The following TENM3 variants were observed in gnomAD, a reference collection of about 807,000 sequenced individuals.
TENM3 encodes the protein teneurin-3.
TENM3 carries 63 observed loss-of-function variants against 255.1 expected under a neutral mutation model. The observed-to-expected ratio is 0.25, with a 90% CI of 0.20 to 0.30. The LOEUF is 0.30. TENM3 is among the 10% of genes least tolerant of loss of function. The pLI, the probability that TENM3 is intolerant of heterozygous loss-of-function variation, is 1.00. For missense variants in TENM3, 2,929 were observed against 3,461.1 expected, an observed-to-expected ratio of 0.85 and a Z score of 3.86; for synonymous variants, 1,306 against 1,322.3, an observed-to-expected ratio of 0.99 and a Z score of 0.27.
At chr4:181,532,366 C>T in the TENM3 span, among the ~76,000 whole-genome samples, 30 of 151,994 alleles carry the variant, frequency 2.0e-4, no homozygotes, top group East Asian at 3.9e-3. Flanking sequence ...TAGTTGGGTG[C>T]GGGAGGTAAA....
At chr4:182,558,447 C>G (rs1025948036) in intron 3 of TENM3, among the ~76,000 whole-genome samples, 3 of 152,144 alleles carry the variant, frequency 2.0e-5, no homozygotes, top group East Asian at 3.8e-4. Context: ...TCACCCGTTT[C>G]TGACATGCCG....
intron 3 of TENM3, among the ~76,000 whole-genome samples, chr4:182,361,562 C>G (rs1189553326): frequency 6.6e-6 from 1 of 152,118 alleles, no homozygotes; most frequent in African/African-American, 2.4e-5. Context: ...CCTTGGCTTT[C>G]AGCTCCATCA....
At chr4:181,563,478 A>G in the TENM3 span, among the ~76,000 whole-genome samples, 1 of 152,226 alleles carries the variant, frequency 6.6e-6, no homozygotes, top group African/African-American at 2.4e-5. Flanking sequence ...ATAAGTTCAT[A>G]TTCTGAGATA....
At chr4:182,037,154 T>TA in the TENM3 span, among the ~76,000 whole-genome samples, 3 of 151,814 alleles carry the variant, frequency 2.0e-5, no homozygotes, top group Non-Finnish European at 2.9e-5. Flanking sequence ...CCTTTTATTT[T>TA]TTTTTTTTTG....
the TENM3 span, among the ~76,000 whole-genome samples, chr4:181,511,742 A>G: frequency 1.3e-5 from 2 of 152,152 alleles, no homozygotes; most frequent in Non-Finnish European, 2.9e-5. Flanking sequence ...CGCTCTGGGG[A>G]CCTGCTAGGA....
At chr4:182,476,599 T>C (rs576911846) in intron 3 of TENM3, among the ~76,000 whole-genome samples, 69 of 152,334 alleles carry the variant, frequency 4.5e-4, no homozygotes, top group African/African-American at 1.6e-3. Flanking sequence ...TGGACACACA[T>C]ATATTTCATT....
chr4:182,072,547 G>T, the TENM3 span, among the ~76,000 whole-genome samples: 1 of 152,128 alleles, frequency 6.6e-6, no homozygotes, highest in Non-Finnish European at 1.5e-5. Flanking sequence ...TGATAATAAA[G>T]TATTTGAAAC....
At chr4:181,691,700 C>A in the TENM3 span, among the ~76,000 whole-genome samples, 1 of 152,120 alleles carries the variant, frequency 6.6e-6, no homozygotes, top group African/African-American at 2.4e-5. Flanking sequence ...TCAACCAATA[C>A]ATTCTTAAAA....
intron 1 of TENM3, among the ~76,000 whole-genome samples, chr4:182,180,904 TTTTTA>T (rs1474398449): frequency 2.0e-5 from 3 of 152,056 alleles, no homozygotes; most frequent in East Asian, 1.9e-4. Flanking sequence ...AATTTATTAA[TTTTTA>T]TTTTGTTTTA....
At chr4:182,153,225 T>TA (rs1213409504) in intron 1 of TENM3, among the ~76,000 whole-genome samples, 1 of 152,016 alleles carries the variant, frequency 6.6e-6, no homozygotes, top group Admixed American at 6.6e-5. Context: ...CTAAAAATTA[T>TA]AAAAATACCT....
intron 3 of TENM3, among the ~76,000 whole-genome samples, chr4:182,423,055 T>C (rs1471642963): frequency 6.6e-6 from 1 of 152,196 alleles, no homozygotes; most frequent in East Asian, 1.9e-4. Flanking sequence ...GGATGGTAGA[T>C]AGATGGTTTT....
the TENM3 span, among the ~76,000 whole-genome samples, chr4:182,108,908 G>C: frequency 2.1e-3 from 321 of 152,114 alleles, no homozygotes; most frequent in African/African-American, 7.4e-3. Context: ...AAAAGTGTAT[G>C]AATAATAGTA....
At chr4:181,707,131 G>T in the TENM3 span, among the ~76,000 whole-genome samples, 98 of 152,314 alleles carry the variant, frequency 6.4e-4, no homozygotes, top group African/African-American at 2.2e-3. Flanking sequence ...CAGAAGGGAG[G>T]GGACTTGCAT....
At chr4:181,615,479 C>A in the TENM3 span, among the ~76,000 whole-genome samples, 1 of 152,180 alleles carries the variant, frequency 6.6e-6, no homozygotes, top group African/African-American at 2.4e-5. Context: ...TCAGTTATAA[C>A]CATGTGCCCT....
the TENM3 span, among the ~76,000 whole-genome samples, chr4:181,457,209 A>G: frequency 1.3e-5 from 2 of 151,836 alleles, no homozygotes; most frequent in Non-Finnish European, 2.9e-5. Flanking sequence ...ATTTATATTT[A>G]TTAATAATTT....
the TENM3 span, among the ~76,000 whole-genome samples, chr4:181,479,615 C>T: frequency 1.3e-5 from 2 of 151,960 alleles, no homozygotes; most frequent in Admixed American, 6.6e-5. Context: ...AAAACACACA[C>T]AGAGGAATTA....
chr4:182,538,697 G>T (rs779812132), intron 3 of TENM3, among the ~76,000 whole-genome samples: 28 of 152,152 alleles, frequency 1.8e-4, no homozygotes, highest in Non-Finnish European at 2.9e-4. Context: ...CAGGGAGGTG[G>T]TAGTGGAGTT....
the TENM3 span, among the ~76,000 whole-genome samples, chr4:181,763,903 A>G: frequency 2.0e-5 from 3 of 152,244 alleles, no homozygotes; most frequent in African/African-American, 7.2e-5. Context: ...GAGTGTGTTG[A>G]CATACACATT....
rs1267916138 is a variant in TENM3 at position 182,766,849 on chromosome 4, A to G, written c.4893-6623A>G. On this transcript the variant is annotated intron_variant, in intron 22 of 27. Coordinates refer to ENST00000511685, the MANE Select transcript of TENM3 (RefSeq NM_001080477.4). ...TCAGCAAGACCTCCTAATTAAATGC[A>G]GCAGCAACAAAGACATTCGCATTGG... Among the ~76,000 whole-genome samples, 4 of 152,188 alleles carry G rather than the reference A, an allele frequency of 2.6e-5. 1 individual carries two copies. The highest frequency in any genetic ancestry group is 9.7e-5 in the African/African-American group (4 of 41,446).
Sources: allele counts gnomAD v4.1 joint callset (sites outside exome capture counted in the v4.1 genomes callset), GRCh38; gene constraint gnomAD v4.1.1; transcripts MANE v1.5; gene names NCBI Gene and HGNC (gene_info 2026-07-23, HGNC 2026-07-21).